BBS2: variants seen among roughly 807,000 people sequenced by gnomAD.
BBS2 encodes the protein BBSome complex member BBS2.
In BBS2, 62 loss-of-function variants were observed where a neutral mutation model predicts 83.0. That is an observed-to-expected ratio of 0.75 (90% CI 0.61 to 0.92). The LOEUF (loss-of-function observed/expected upper bound fraction) is 0.92, where lower values mean the gene tolerates loss of function less well. BBS2 is among the 40% of genes least tolerant of loss of function. The pLI, the probability that BBS2 is intolerant of heterozygous loss-of-function variation, is 0.00. For missense variants in BBS2, 784 were observed against 901.0 expected (o/e 0.87, Z 1.66); for synonymous variants, 303 against 326.1 (o/e 0.93, Z 0.76).
intron 15 of BBS2, among the ~76,000 whole-genome samples, chr16:56,492,609 A>G (rs1241385389): frequency 6.6e-6 from 1 of 152,236 alleles, no homozygotes; most frequent in Admixed American, 6.5e-5. Flanking sequence ...TGTATTATAC[A>G]CTTAAAAATG....
chr16:56,481,080 A>T (rs192295505), downstream of BBS2, among the ~76,000 whole-genome samples: 6 of 152,302 alleles, frequency 3.9e-5, no homozygotes, highest in East Asian at 1.2e-3. Context: ...ATTTAGTTCT[A>T]TAATGACAGG....
At chr16:56,492,954 TA>T (rs200879662) in intron 15 of BBS2, among the ~76,000 whole-genome samples, 3 of 150,382 alleles carry the variant, frequency 2.0e-5, no homozygotes, top group Admixed American at 6.7e-5. Flanking sequence ...TTATCTACAG[TA>T]AAAAAAAAAC....
downstream of BBS2, among the ~76,000 whole-genome samples, chr16:56,481,481 A>T (rs537871168): frequency 6.6e-6 from 1 of 152,284 alleles, no homozygotes; most frequent in South Asian, 2.1e-4. Context: ...CATGGTGGGA[A>T]ATAATACAAA....
chr16:56,505,865 A>T, intron 7 of BBS2, 85 bp downstream of exon 7: 1 of 1,023,162 alleles, frequency 9.8e-7, no homozygotes, highest in East Asian at 2.4e-5. Flanking sequence ...TTACATCCCA[A>T]TGTTACTGTT....
rs1370822508 is a variant in BBS2 at position 56,500,848 on chromosome 16, G to A, written c.1397+6C>T. ...CTGAAATGAACTGTGACTTGCAAAG[G>A]GTCACCTGCTTCTGTAACCCACGAA... is the stretch of plus-strand genomic sequence containing the variant. On this transcript the variant is annotated splice_donor_region_variant and intron_variant, in intron 11 of 16. Transcript: ENST00000245157. The A allele has an allele frequency of 4.3e-6, 7 of 1,613,842 alleles. No homozygotes were observed. Among genetic ancestry groups the A allele is most frequent in the Non-Finnish European group, 5.9e-6 (7 of 1,179,894 alleles).
In BBS2 at chr16:56,511,147, T is replaced by A; in HGVS notation, c.471+12A>T. On this transcript the variant is annotated intron_variant, in intron 3 of 16. Coordinates refer to ENST00000245157, the MANE Select transcript of BBS2 (RefSeq NM_031885.5). The stretch of plus-strand genomic sequence containing the variant: ...CTTAAGGGTACCAAAAAGAATGTTT[T>A]CTTCTTCATACCGTCCAAAAGAGAT... 6.2e-7 allele frequency: 1 copy of A among 1,613,938 alleles called. No individual in the cohort carries two copies.
chr16:56,502,427 T>C lies in BBS2; in HGVS notation c.970A>G (p.Met324Val). 1.9e-6 allele frequency: 3 copies of C among 1,614,164 alleles called. No homozygotes were observed. The highest frequency in any genetic ancestry group is 1.6e-4 in the Middle Eastern group (1 of 6,062). ...IRGYLPGTAE[M>V]RGNLMDTSAE... ...CTGGTGTCCATGAGGTTGCCCCTCA[T>C]CTCAGCCGTGCCAGGCAGGTAGCCC... The change falls in exon 9 of 17, where the codon ATG (methionine) becomes GTG (valine). Residue 324 changes from methionine to valine, a missense_variant. Met to Val is a conservative substitution (Grantham distance 21). Coordinates refer to ENST00000245157, the MANE Select transcript of BBS2 (RefSeq NM_031885.5).
intron 2 of BBS2, among the ~76,000 whole-genome samples, chr16:56,512,904 A>C (rs1964618408): frequency 6.6e-6 from 1 of 152,196 alleles, no homozygotes; most frequent in South Asian, 2.1e-4. Flanking sequence ...TATAATTACA[A>C]CACTTTGGGA....
intron 5 of BBS2, among the ~76,000 whole-genome samples, chr16:56,508,781 G>A (rs1319380854): frequency 1.3e-5 from 2 of 152,010 alleles, no homozygotes; most frequent in Non-Finnish European, 2.9e-5. Context: ...AAGCAGCTGG[G>A]ACTACAGACG....
In BBS2 at chr16:56,520,012, C is replaced by T; in HGVS notation, c.-150G>A. On this transcript the variant is annotated 5_prime_UTR_variant, in exon 1 of 17. Transcript: ENST00000245157. Reference sequence around the variant, plus strand: ...GCGAAACAGCCCGGGACGAACCCGTCCAGGTACCGCCTGCTCCTCCTGCGG... The same window carrying T: ...GCGAAACAGCCCGGGACGAACCCGTTCAGGTACCGCCTGCTCCTCCTGCGG... 1 of 690,102 alleles carries T rather than the reference C, an allele frequency of 1.4e-6. No individual in the cohort carries two copies. Among genetic ancestry groups the T allele is most frequent in the Non-Finnish European group, 2.6e-6 (1 of 382,640 alleles). The allele number at this position is 690,102 out of a possible 1,614,324, so 42.7% of individuals were successfully genotyped here.
At chr16:56,507,342 AC>A (rs1331219545) in intron 5 of BBS2, among the ~76,000 whole-genome samples, 1 of 152,206 alleles carries the variant, frequency 6.6e-6, no homozygotes, top group African/African-American at 2.4e-5. Context: ...TAGAAGATCA[AC>A]AAGTCCCCTC....
chr16:56,482,762 C>T (rs549316783), downstream of BBS2, among the ~76,000 whole-genome samples: 12 of 152,162 alleles, frequency 7.9e-5, no homozygotes, highest in Admixed American at 2.6e-4. Flanking sequence ...TACGTTAGGG[C>T]GAAATTTTTC....
chr16:56,475,251 C>T (rs1371097559), intron 17 of BBS2, among the ~76,000 whole-genome samples: 1 of 152,098 alleles, frequency 6.6e-6, no homozygotes, highest in Non-Finnish European at 1.5e-5. Context: ...GCATTTAATT[C>T]TCTCTTAATT....
intron 12 of BBS2, 107 bp from the exon 13 acceptor site, chr16:56,498,675 C>G (rs774552156): frequency 1.3e-6 from 2 of 1,578,660 alleles, no homozygotes; most frequent in Non-Finnish European, 8.6e-7. Flanking sequence ...GGGAAGAGTT[C>G]TCCTTCTTTC....
At chr16:56,505,777 C>A (rs1424895292) in intron 7 of BBS2, among the ~76,000 whole-genome samples, 173 bp downstream of exon 7, 1 of 152,180 alleles carries the variant, frequency 6.6e-6, no homozygotes, top group Non-Finnish European at 1.5e-5. Flanking sequence ...CTGTGCAGCT[C>A]TTGACAATGA....
At chr16:56,502,646 T>G (rs1427577925) in intron 8 of BBS2, 27 bp downstream of exon 8, 1 of 1,614,038 alleles carries the variant, frequency 6.2e-7, no homozygotes, top group East Asian at 2.2e-5. Flanking sequence ...ACGTGACTTT[T>G]TAAGGATTTT....
chr16:56,507,406 G>A (rs1964449690), intron 5 of BBS2, among the ~76,000 whole-genome samples: 1 of 152,186 alleles, frequency 6.6e-6, no homozygotes, highest in African/African-American at 2.4e-5. Flanking sequence ...ATTTAGGAAA[G>A]AGATGTTTCA....
Position 56,513,372 on chromosome 16 carries a change from G to A in BBS2, c.345+1081C>T, listed in dbSNP as rs1249559162. ...CCAATAAGAATGACATAACGGGTAT[G>A]TAGTAACTTCATATAAAGATGTTCA... On this transcript the variant is annotated intron_variant, in intron 2 of 16. Transcript: ENST00000245157. 2.0e-5 allele frequency among the ~76,000 whole-genome samples: 3 copies of A among 152,158 alleles called. 1 individual carries two copies. The highest frequency in any genetic ancestry group is 6.3e-3 in the Middle Eastern group (2 of 316).
At position 56,485,894 on chromosome 16, in the gene BBS2, A is replaced by G. The variant is rs112698843; in HGVS notation, c.1911-156T>C. On this transcript the variant is annotated intron_variant, in intron 15 of 16. Transcript: ENST00000245157. The stretch of plus-strand genomic sequence containing the variant: ...CTGCTAGTTTGCTTTGAAAATACGG[A>G]TAAGTTCCATAAAAATATTCTTTTC... Among the ~76,000 whole-genome samples, 21 of 152,336 alleles carry G rather than the reference A, an allele frequency of 1.4e-4. No individual in the cohort carries two copies. The East Asian group carries it at 2.1e-3, about 15-fold the overall frequency.
Sources: allele counts gnomAD v4.1 joint callset (sites outside exome capture counted in the v4.1 genomes callset), GRCh38; gene constraint gnomAD v4.1.1; transcripts MANE v1.5; gene names NCBI Gene and HGNC (gene_info 2026-07-23, HGNC 2026-07-21).